Variants in SENP2 observed in about 807,000 individuals in gnomAD.
SENP2 encodes sentrin-specific protease 2.
In SENP2, 16 loss-of-function variants were observed where a neutral mutation model predicts 86.3. The observed-to-expected ratio is 0.19, with a 90% confidence interval of 0.13 to 0.28. The LOEUF (loss-of-function observed/expected upper bound fraction) is 0.28. Ranked by LOEUF, SENP2 falls within the 10% of genes least tolerant of loss-of-function variation. The pLI, the probability that SENP2 is intolerant of heterozygous loss-of-function variation, is 1.00. For missense variants in SENP2, 552 were observed against 703.0 expected (o/e 0.79, Z 2.43); for synonymous variants, 222 against 238.7 (o/e 0.93, Z 0.64).
At chr3:185,596,359 C>G (rs1170157747) in intron 2 of SENP2, among the ~76,000 whole-genome samples, 1 of 152,088 alleles carries the variant, frequency 6.6e-6, no homozygotes, top group Non-Finnish European at 1.5e-5. Context: ...GTGGCATACA[C>G]CTGTAATCTC....
At chr3:185,592,479 C>T (rs1577717485) in intron 2 of SENP2, among the ~76,000 whole-genome samples, 2 of 152,120 alleles carry the variant, frequency 1.3e-5, no homozygotes, top group Non-Finnish European at 2.9e-5. Context: ...TTGGGTCTAC[C>T]TCCAGATGTG....
chr3:185,598,578 G>A (rs1481097297), intron 3 of SENP2, 33 bp downstream of exon 3: 3 of 1,594,266 alleles, frequency 1.9e-6, no homozygotes, highest in Non-Finnish European at 2.6e-6. Context: ...TAGGAATACT[G>A]ATCTTTATAC....
intron 6 of SENP2, among the ~76,000 whole-genome samples, chr3:185,607,319 CTTTTTTTTTTTT>C (rs758884593): frequency 1.1e-4 from 7 of 66,008 alleles, no homozygotes; most frequent in African/African-American, 5.8e-5. Flanking sequence ...AGATTAGATT[CTTTTTTTTTTTT>C]TTTTTTTTTT....
At chr3:185,597,574 G>A (rs1472787064) in intron 2 of SENP2, among the ~76,000 whole-genome samples, 1 of 151,188 alleles carries the variant, frequency 6.6e-6, no homozygotes, top group Non-Finnish European at 1.5e-5. Flanking sequence ...GGATGTTCTC[G>A]ATCTCCTGAC....
chr3:185,605,139 G>A (rs1352934403), intron 5 of SENP2, among the ~76,000 whole-genome samples: 1 of 151,500 alleles, frequency 6.6e-6, no homozygotes, highest in Admixed American at 6.6e-5. Flanking sequence ...GGAGGCTGAA[G>A]CGCGTGGATC....
intron 2 of SENP2, among the ~76,000 whole-genome samples, chr3:185,591,862 G>A (rs1722009952): frequency 6.6e-6 from 1 of 151,684 alleles, no homozygotes; most frequent in East Asian, 1.9e-4. Context: ...CTCCCAAGTA[G>A]TTGGTTGGGC....
chr3:185,630,044 G>T lies in SENP2; in HGVS notation c.*200G>T. 1 of 568,154 alleles carries T rather than the reference G, an allele frequency of 1.8e-6. No homozygotes were observed. The highest frequency in any genetic ancestry group is 3.2e-6 in the Non-Finnish European group (1 of 313,202). 35.2% of individuals were successfully genotyped at this position (568,154 alleles called of 1,614,324 possible). A position where few individuals can be genotyped will look rare whatever the true frequency, so the allele number is the denominator to read the frequency against. On this transcript the variant is annotated 3_prime_UTR_variant, in exon 17 of 17. Transcript: ENST00000296257. ...GGCTGCTTGCAATCCTGTTTGTAAG[G>T]CTGTGCCTGCTCAGAGCTTTGGACT...
intron 2 of SENP2, among the ~76,000 whole-genome samples, chr3:185,597,257 G>A (rs1357779869): frequency 1.3e-5 from 2 of 151,884 alleles, no homozygotes; most frequent in African/African-American, 4.8e-5. Flanking sequence ...CTAAAGTGAT[G>A]GTTTTATGTT....
rs1287585042 is a variant in SENP2 at position 185,633,262 on chromosome 3, G to A, written c.*3418G>A. ...GCAAGAGACCGAAAGTTAAGTGTGTGACAACCTCAGTACTGTAGTTAAGCT... is the reference window on the plus strand; with the variant it reads ...GCAAGAGACCGAAAGTTAAGTGTGTAACAACCTCAGTACTGTAGTTAAGCT... On this transcript the variant is annotated 3_prime_UTR_variant, in exon 17 of 17. Transcript: ENST00000296257. 2.6e-5 allele frequency: 4 copies of A among 152,176 alleles called. No homozygotes were observed. The highest frequency in any genetic ancestry group is 4.8e-5 in the African/African-American group (2 of 41,442). 9.4% of individuals were successfully genotyped at this position (152,176 alleles called of 1,614,324 possible).
chr3:185,624,726 G>C (rs756015473), intron 15 of SENP2, among the ~76,000 whole-genome samples: 4 of 151,846 alleles, frequency 2.6e-5, no homozygotes, highest in Non-Finnish European at 5.9e-5. Flanking sequence ...AAATTAACTG[G>C]GTCTGGTGGC....
At chr3:185,621,046 C>T (rs573879551) in intron 13 of SENP2, among the ~76,000 whole-genome samples, 151 of 149,918 alleles carry the variant, frequency 1.0e-3, no homozygotes, top group Non-Finnish European at 1.6e-3. Context: ...GTGGTGCACA[C>T]CTGTGAGAGG....
intron 16 of SENP2, among the ~76,000 whole-genome samples, chr3:185,628,658 CACCA>C (rs1451685592): frequency 6.6e-6 from 1 of 152,148 alleles, no homozygotes; most frequent in Non-Finnish European, 1.5e-5. Context: ...AGGAATGCGC[CACCA>C]CCCCTGGCTA....
rs191559320 is a variant in SENP2, at chr3:185,597,933, C to T, written c.158-479C>T. Among the ~76,000 whole-genome samples the T allele has an allele frequency of 5.6e-4, 86 of 152,222 alleles. 1 individual carries two copies. The highest frequency in any genetic ancestry group is 5.4e-3 in the Admixed American group (82 of 15,298). ...CCTCCCAAAGTGCTGGGATTACAGG[C>T]GTGAGCCACCACACCAGACCTAGGA... On this transcript the variant is annotated intron_variant, in intron 2 of 16. Transcript: ENST00000296257.
intron 1 of SENP2, among the ~76,000 whole-genome samples, chr3:185,589,449 T>G (rs148210118): frequency 0.011 from 1,687 of 152,306 alleles, 33 homozygotes; most frequent in African/African-American, 0.038. Context: ...TTAAATCATT[T>G]CTGGAGCGAA....
At chr3:185,622,630 T>C (rs1050798261) in intron 14 of SENP2, among the ~76,000 whole-genome samples, 6 of 152,064 alleles carry the variant, frequency 3.9e-5, no homozygotes, top group Non-Finnish European at 7.4e-5. Context: ...ACACCAATTG[T>C]TTATAAAATG....
chr3:185,598,408 C>A lies in SENP2; in HGVS notation c.158-4C>A, dbSNP rs968956965. On this transcript the variant is annotated splice_polypyrimidine_tract_variant and splice_region_variant and intron_variant, in intron 2 of 16. Coordinates refer to ENST00000296257, the MANE Select transcript of SENP2 (RefSeq NM_021627.3). ...TATATTTACAGTTTGTTGACACTTTCTAGATTGCTTTATTCACCAAGTGAA... is the reference window on the plus strand; with the variant it reads ...TATATTTACAGTTTGTTGACACTTTATAGATTGCTTTATTCACCAAGTGAA... 8 of 1,613,440 alleles carry A rather than the reference C, an allele frequency of 5.0e-6. No individual in the cohort carries two copies. Among genetic ancestry groups the A allele is most frequent in the Non-Finnish European group, 6.8e-6 (8 of 1,179,426 alleles).
intron 5 of SENP2, among the ~76,000 whole-genome samples, chr3:185,601,538 ATAGTTTTCT>A (rs541564651): frequency 3.0e-4 from 45 of 152,088 alleles, no homozygotes; most frequent in Non-Finnish European, 2.6e-4. Flanking sequence ...GTTATTATTA[ATAGTTTTCT>A]TACTTTCCTT....
intron 11 of SENP2, 60 bp from the exon 12 acceptor site, chr3:185,617,420 C>G: frequency 6.8e-7 from 1 of 1,463,722 alleles, no homozygotes; most frequent in South Asian, 1.4e-5. Flanking sequence ...TCGGAGTTTT[C>G]AATAACTGAT....
chr3:185,621,264 G>A (rs1577741822), intron 13 of SENP2, among the ~76,000 whole-genome samples: 1 of 141,852 alleles, frequency 7.0e-6, no homozygotes, highest in East Asian at 2.0e-4. Flanking sequence ...CACTCTGAGA[G>A]GACCACTAAT....
Sources: allele counts gnomAD v4.1 joint callset (sites outside exome capture counted in the v4.1 genomes callset), GRCh38; gene constraint gnomAD v4.1.1; transcripts MANE v1.5; gene names NCBI Gene and HGNC (gene_info 2026-07-23, HGNC 2026-07-21).